Variants in ITGAL observed in about 807,000 individuals in gnomAD.
ITGAL encodes the protein integrin subunit alpha L.
In ITGAL, 68 loss-of-function variants were observed where a neutral mutation model predicts 138.4. That is an observed-to-expected ratio of 0.49 (90% CI 0.40 to 0.60). ITGAL has a LOEUF of 0.60. ITGAL is among the 20% of genes least tolerant of loss of function. The pLI, the probability that ITGAL is intolerant of heterozygous loss-of-function variation, is 0.00. For synonymous variants in ITGAL, 561 were observed against 584.3 expected, an observed-to-expected ratio of 0.96 and a Z score of 0.57; for missense variants, 1,256 against 1,478.6, an observed-to-expected ratio of 0.85 and a Z score of 2.47.
chr16:30,494,291 C>T lies in ITGAL; in HGVS notation c.1293C>T (p.Gly431=). The T allele has an allele frequency of 1.9e-6, 3 of 1,613,662 alleles. No individual in the cohort carries two copies. The highest frequency in any genetic ancestry group is 2.5e-6 in the Non-Finnish European group (3 of 1,179,714). ...GAGCCCCTCGATACCAGCACATGGG[C>T]CGAGTGCTGCTGTTCCAAGAGCCAC... The part of the protein sequence containing the change: ...ASGAPRYQHM[G]RVLLFQEPQG... Residue 431 remains glycine (G), a synonymous_variant, in exon 12 of 31, where the codon GGC becomes GGT. Coordinates refer to ENST00000356798, the MANE Select transcript of ITGAL (RefSeq NM_002209.3). The surrounding 1 kb of genome is among the most constrained non-coding windows in gnomAD (Gnocchi z 4.2).
rs547053307 is a variant in ITGAL at position 30,494,158 on chromosome 16, G to T, written c.1214-54G>T. The T allele has an allele frequency of 6.7e-7, 1 of 1,485,834 alleles. No individual in the cohort carries two copies. Among genetic ancestry groups the T allele is most frequent in the East Asian group, 2.3e-5 (1 of 43,286 alleles). 92.0% of individuals were successfully genotyped at this position (1,485,834 alleles called of 1,614,324 possible). The stretch of plus-strand genomic sequence containing the variant: ...GGGGCCCCTGCCCCTCTCCTGCTGG[G>T]TGTTCTTCCAGCATCCTGTGTTCCT... On this transcript the variant is annotated intron_variant, in intron 11 of 30. Coordinates refer to ENST00000356798, the MANE Select transcript of ITGAL (RefSeq NM_002209.3). The surrounding 1 kb of genome is among the most constrained non-coding windows in gnomAD (Gnocchi z 4.2).
chr16:30,478,523 C>T (rs921252991), intron 4 of ITGAL, among the ~76,000 whole-genome samples: 5 of 151,182 alleles, frequency 3.3e-5, no homozygotes, highest in Non-Finnish European at 4.4e-5. Flanking sequence ...ACGGTGAAAC[C>T]CCGTCTCTGC....
chr16:30,493,858 TTCC>T (rs1196055187), intron 11 of ITGAL, among the ~76,000 whole-genome samples: 6 of 152,066 alleles, frequency 3.9e-5, no homozygotes, highest in Non-Finnish European at 5.9e-5. Flanking sequence ...CGCCATTGCA[TTCC>T]AGCCTGGGCA....
In ITGAL at chr16:30,521,512, C is replaced by A. The variant is rs776119633; in HGVS notation, c.3360C>A (p.Asn1120Lys). 2 of 1,614,006 alleles carry A rather than the reference C, an allele frequency of 1.2e-6. No homozygotes were observed. The highest frequency in any genetic ancestry group is 8.5e-7 in the Non-Finnish European group (1 of 1,179,974). The change falls in exon 31 of 31, where the codon AAC (asparagine) becomes AAA (lysine). Residue 1120 changes from asparagine to lysine, a missense_variant. Around this residue, in one of 3 missense-constraint regions of ITGAL, gnomAD observed 867 missense variants for 972.5 expected, o/e 0.89. Transcript: ENST00000356798. ...VLYKVGFFKRNLKEKMEAGRG... is the reference protein window; with the variant it reads ...VLYKVGFFKRKLKEKMEAGRG... ...TACAGGTTGGTTTCTTCAAACGGAACCTGAAGGAGAAGATGGAGGCTGGCA... is the reference window on the plus strand; with the variant it reads ...TACAGGTTGGTTTCTTCAAACGGAAACTGAAGGAGAAGATGGAGGCTGGCA...
At position 30,517,880 on chromosome 16, in the gene ITGAL, G is replaced by A. The variant is rs147961598; in HGVS notation, c.3117G>A (p.Leu1039=). 24 of 1,614,038 alleles carry A rather than the reference G, an allele frequency of 1.5e-5. No homozygotes were observed. In the African/African-American group the frequency reaches 3.1e-4, roughly 21 times the overall value. The change falls in exon 28 of 31, where the codon CTG becomes CTA. Residue 1039 remains leucine (L), a synonymous_variant. Transcript: ENST00000356798. ...ILVQVIGTLE[L]VGEIEASSMF... ...TCCAAGTGATCGGGACTCTGGAGCT[G>A]GTGGGAGAGATCGAGGTAGTCCCCG...
rs1488121608 is a variant in ITGAL, at chr16:30,521,710, T to C, written c.*45T>C. ...AGAGTGCCCAGAACTGGACTCAGGATGCCCAGGGCCACTCTGCCTCTGCCT... is the reference window on the plus strand; with the variant it reads ...AGAGTGCCCAGAACTGGACTCAGGACGCCCAGGGCCACTCTGCCTCTGCCT... On this transcript the variant is annotated 3_prime_UTR_variant, in exon 31 of 31. Coordinates refer to ENST00000356798, the MANE Select transcript of ITGAL (RefSeq NM_002209.3). 1.9e-6 allele frequency: 3 copies of C among 1,581,046 alleles called. No homozygotes were observed. Among genetic ancestry groups the C allele is most frequent in the Non-Finnish European group, 2.6e-6 (3 of 1,158,062 alleles).
At chr16:30,516,601 G>A (rs1485549788) in intron 25 of ITGAL, among the ~76,000 whole-genome samples, 1 of 152,136 alleles carries the variant, frequency 6.6e-6, no homozygotes, top group East Asian at 1.9e-4. Flanking sequence ...ATGGTCTAGT[G>A]GAGATGCAGA....
chr16:30,498,870 C>CA, intron 15 of ITGAL: 1 of 539,142 alleles, frequency 1.9e-6, no homozygotes, highest in Non-Finnish European at 3.3e-6. Flanking sequence ...CACTGCACTC[C>CA]AGCCTGGGCA....
intron 1 of ITGAL, among the ~76,000 whole-genome samples, chr16:30,473,572 T>G (rs1167110970): frequency 6.6e-6 from 1 of 152,106 alleles, no homozygotes; most frequent in Non-Finnish European, 1.5e-5. Context: ...TCTAAACAAA[T>G]GAAGGCCCAG....
At chr16:30,475,658 G>A in intron 4 of ITGAL, 78 bp downstream of exon 4, 1 of 1,127,590 alleles carries the variant, frequency 8.9e-7, no homozygotes, top group Non-Finnish European at 1.3e-6. Flanking sequence ...GAAGAAGAAT[G>A]TGGATAAAAG....
intron 1 of ITGAL, 117 bp downstream of exon 1, chr16:30,473,015 G>T: frequency 1.5e-5 from 13 of 884,276 alleles, no homozygotes; most frequent in Non-Finnish European, 2.2e-5. Flanking sequence ...TGGCCTTAGG[G>T]ATATGGGGCC....
intron 9 of ITGAL, among the ~76,000 whole-genome samples, chr16:30,487,876 C>T (rs1455577787): frequency 6.6e-6 from 1 of 151,936 alleles, no homozygotes; most frequent in African/African-American, 2.4e-5. Flanking sequence ...TCCCACCATG[C>T]CTAGCTAATT....
At chr16:30,476,126 C>T (rs1597061044) in intron 4 of ITGAL, among the ~76,000 whole-genome samples, 1 of 152,026 alleles carries the variant, frequency 6.6e-6, no homozygotes, top group Admixed American at 6.6e-5. Flanking sequence ...TCGCGGGCGC[C>T]TGTAGTCCCA....
At chr16:30,504,014 C>T (rs1301233933) in intron 17 of ITGAL, 161 bp from the exon 18 acceptor site, 3 of 609,696 alleles carry the variant, frequency 4.9e-6, no homozygotes, top group Non-Finnish European at 8.9e-6. Flanking sequence ...GTGTGCTGTA[C>T]ACACCTGCTA....
At position 30,521,647 on chromosome 16, in the gene ITGAL, T is replaced by C; in HGVS notation, c.3495T>C (p.Ser1165=). 2 of 1,613,568 alleles carry C rather than the reference T, an allele frequency of 1.2e-6. No homozygotes were observed. Among genetic ancestry groups the C allele is most frequent in the Non-Finnish European group, 1.7e-6 (2 of 1,179,936 alleles). ...LKPLHEKDSE[S]GGGKD Reference sequence around the variant, plus strand: ...CCCTCCATGAGAAGGACTCTGAGAGTGGTGGTGGCAAGGACTGAGTCCAGG... The same window carrying C: ...CCCTCCATGAGAAGGACTCTGAGAGCGGTGGTGGCAAGGACTGAGTCCAGG... Residue 1165 remains serine (S), a synonymous_variant, in exon 31 of 31, where the codon AGT becomes AGC. Transcript: ENST00000356798.
chr16:30,496,343 C>T, intron 14 of ITGAL, 49 bp downstream of exon 14: 4 of 1,604,594 alleles, frequency 2.5e-6, no homozygotes, highest in Non-Finnish European at 3.4e-6. Flanking sequence ...GTGCCCTAAG[C>T]CCCCAAGCCC....
At chr16:30,506,896 G>A (rs1214556318) in intron 21 of ITGAL, 40 bp downstream of exon 21, 7 of 1,608,854 alleles carry the variant, frequency 4.4e-6, no homozygotes, top group East Asian at 4.5e-5. Context: ...GCATCTGTTC[G>A]GCAGACACTG....
intron 25 of ITGAL, among the ~76,000 whole-genome samples, chr16:30,514,706 G>A (rs2051140908): frequency 6.6e-6 from 1 of 152,152 alleles, no homozygotes; most frequent in Non-Finnish European, 1.5e-5. Flanking sequence ...CTACAGGCAT[G>A]AGCCACCACA....
Position 30,481,498 on chromosome 16 carries a change from T to C in ITGAL, c.636T>C (p.Val212=), listed in dbSNP as rs559956997. 3.1e-6 allele frequency: 5 copies of C among 1,613,330 alleles called. No individual in the cohort carries two copies. In the South Asian group the frequency reaches 3.3e-5, roughly 11 times the overall value. ...YKTEFDFSDY[V]KRKDPDALLK... ...CAGAATTTGATTTCTCAGATTATGT[T>C]AAACGGAAGGACCCTGATGCTCTGC... The change falls in exon 7 of 31, where the codon GTT becomes GTC. Residue 212 remains valine (V), a synonymous_variant. Coordinates refer to ENST00000356798, the MANE Select transcript of ITGAL (RefSeq NM_002209.3).
Sources: gnomAD v4.1 joint callset for allele counts (sites outside exome capture counted in the v4.1 genomes callset) on GRCh38, gnomAD v4.1.1 for gene constraint, gnomAD v4.1.1 regional missense constraint, Gnocchi (gnomAD v3.1) non-coding constraint, MANE v1.5 for transcripts, NCBI Gene and HGNC (gene_info 2026-07-23, HGNC 2026-07-21) for gene names.